RAB6A: variants seen among roughly 807,000 people sequenced by gnomAD.
RAB6A encodes ras-related protein Rab-6A.
In RAB6A, 8 loss-of-function variants were observed where a neutral mutation model predicts 32.3. That is an observed-to-expected ratio of 0.25 (90% CI 0.15 to 0.45). The LOEUF is 0.45. RAB6A is among the 20% of genes least tolerant of loss of function. The probability of loss-of-function intolerance (pLI) is 1.00; values close to 1 mark genes in which losing one functional copy is unlikely to be tolerated. For synonymous variants in RAB6A, 73 were observed against 82.1 expected, an observed-to-expected ratio of 0.89 and a Z score of 0.60; for missense variants, 104 against 249.4, an observed-to-expected ratio of 0.42 and a Z score of 3.93.
intron 5 of RAB6A, among the ~76,000 whole-genome samples, chr11:73,714,519 G>A (rs183672916): frequency 3.2e-4 from 48 of 149,096 alleles, no homozygotes; most frequent in Non-Finnish European, 6.0e-4. Context: ...AAAATGAGCC[G>A]GGCATGGTGG....
At chr11:73,713,988 C>T (rs147595668) in intron 5 of RAB6A, among the ~76,000 whole-genome samples, 1 of 151,498 alleles carries the variant, frequency 6.6e-6, no homozygotes, top group Non-Finnish European at 1.5e-5. Flanking sequence ...GTCAGGAGTT[C>T]GAGACCAGCC....
intron 1 of RAB6A, among the ~76,000 whole-genome samples, chr11:73,759,160 T>A (rs1392643459): frequency 6.6e-6 from 1 of 152,192 alleles, no homozygotes; most frequent in African/African-American, 2.4e-5. Flanking sequence ...AACAAATAAC[T>A]AATGTTTTCT....
intron 5 of RAB6A, among the ~76,000 whole-genome samples, chr11:73,710,100 A>G (rs1945926923): frequency 1.4e-5 from 2 of 146,632 alleles, no homozygotes; most frequent in African/African-American, 5.0e-5. Context: ...CTGGGATTAC[A>G]GGCTCCCGCC....
intron 6 of RAB6A, among the ~76,000 whole-genome samples, chr11:73,705,767 T>TGAGAGAGAGAGAGAGAGAGA (rs3046616): frequency 2.9e-4 from 39 of 134,832 alleles, no homozygotes; most frequent in Middle Eastern, 3.5e-3. Context: ...ATAATTCCGA[T>TGAGAGAGAGAGAGAGAGAGA]GAGAGAGAGA....
chr11:73,687,715 G>A (rs1945482183), intron 6 of RAB6A, among the ~76,000 whole-genome samples: 1 of 152,174 alleles, frequency 6.6e-6, no homozygotes, highest in Non-Finnish European at 1.5e-5. Context: ...AAATTAGCCA[G>A]GTGTGGTGAC....
chr11:73,728,087 TAA>T (rs34674019), intron 2 of RAB6A, among the ~76,000 whole-genome samples: 8 of 152,348 alleles, frequency 5.3e-5, no homozygotes, highest in East Asian at 1.9e-4. Context: ...AAAAAAATTT[TAA>T]AGAGTTAACA....
chr11:73,749,321 A>G (rs946446587), intron 1 of RAB6A, among the ~76,000 whole-genome samples: 1 of 152,118 alleles, frequency 6.6e-6, no homozygotes, highest in Non-Finnish European at 1.5e-5. Flanking sequence ...TGAGAACACA[A>G]AGGAAAAACA....
intron 1 of RAB6A, among the ~76,000 whole-genome samples, chr11:73,749,584 C>G (rs1184824181): frequency 6.6e-6 from 1 of 152,168 alleles, no homozygotes; most frequent in Admixed American, 6.6e-5. Context: ...TGGCTCATGA[C>G]TGTAATCTCA....
chr11:73,728,222 T>C (rs1485908770), intron 2 of RAB6A, among the ~76,000 whole-genome samples: 2 of 152,184 alleles, frequency 1.3e-5, no homozygotes, highest in African/African-American at 4.8e-5. Context: ...AGGGCAGACA[T>C]CCTTACTTGT....
At chr11:73,743,087 C>T (rs181642461) in intron 1 of RAB6A, among the ~76,000 whole-genome samples, 159 of 151,880 alleles carry the variant, frequency 1.0e-3, no homozygotes, top group African/African-American at 2.4e-3. Flanking sequence ...GCAGATCACT[C>T]GAGTTTGAGA....
intron 6 of RAB6A, among the ~76,000 whole-genome samples, chr11:73,684,779 G>A: frequency 6.6e-6 from 1 of 152,158 alleles, no homozygotes; most frequent in East Asian, 1.9e-4. Context: ...CTGAACACAT[G>A]TTCACAGATA....
In RAB6A at chr11:73,698,891, G is replaced by A. The variant is rs1026609846; in HGVS notation, c.495+8529C>T. 4.0e-5 allele frequency among the ~76,000 whole-genome samples: 5 copies of A among 124,826 alleles called. No homozygotes were observed. The East Asian group carries it at 1.2e-3, about 29-fold the overall frequency. The allele number at this position is 124,826 out of a possible 152,430, so 81.9% of individuals were successfully genotyped here. A position where few individuals can be genotyped will look rare whatever the true frequency, so the allele number is the denominator to read the frequency against. On this transcript the variant is annotated intron_variant, in intron 6 of 7. Coordinates refer to ENST00000336083, the MANE Select transcript of RAB6A (RefSeq NM_198896.2). ...TTTTGAGATGGAGTCTTGCTCTGTC[G>A]CCCAGGCTGTAATGCAATGGCACAA...
intron 5 of RAB6A, 45 bp downstream of exon 5, chr11:73,716,206 C>T (rs543462539): frequency 1.4e-6 from 2 of 1,382,210 alleles, no homozygotes; most frequent in South Asian, 2.5e-5. Context: ...TAAAAGGCTG[C>T]ATCACAGAAA....
chr11:73,709,976 T>TTTTTA (rs1945923816), intron 5 of RAB6A, among the ~76,000 whole-genome samples: 1 of 144,590 alleles, frequency 6.9e-6, no homozygotes. Context: ...TTTTTTTTTT[T>TTTTTA]GAGACGGAGT....
Position 73,760,748 on chromosome 11 carries a change from C to T in RAB6A, c.-113G>A. ...AAGGGCGGGCACCGAGCTCTCTCGG[C>T]CCCTGCAAGGCCCGGTGGAGGAGCC... On this transcript the variant is annotated 5_prime_UTR_variant, in exon 1 of 8. Transcript: ENST00000336083. The T allele has an allele frequency of 6.8e-7, 1 of 1,460,444 alleles. No homozygotes were observed. Among genetic ancestry groups the T allele is most frequent in the Non-Finnish European group, 9.3e-7 (1 of 1,076,272 alleles). 90.5% of individuals were successfully genotyped at this position (1,460,444 alleles called of 1,614,324 possible). A position where few individuals can be genotyped will look rare whatever the true frequency, so the allele number is the denominator to read the frequency against.
chr11:73,735,781 T>C (rs956343982), intron 1 of RAB6A, among the ~76,000 whole-genome samples: 1 of 152,070 alleles, frequency 6.6e-6, no homozygotes, highest in African/African-American at 2.4e-5. Context: ...TAATAACCCA[T>C]ATGCAGGACA....
rs183772580 is a variant in RAB6A, at chr11:73,734,567, C to A, written c.71-3744G>T. On this transcript the variant is annotated intron_variant, in intron 1 of 7. Coordinates refer to ENST00000336083, the MANE Select transcript of RAB6A (RefSeq NM_198896.2). ...TTCTGTGGGAGTTGGGGAGGAGGAA[C>A]GGTGGATGGTTTCAGGATGAAACTG... is the stretch of plus-strand genomic sequence containing the variant. Among the ~76,000 whole-genome samples the A allele has an allele frequency of 1.1e-4, 16 of 152,262 alleles. No homozygotes were observed. The South Asian group carries it at 3.3e-3, about 32-fold the overall frequency.
At chr11:73,680,413 T>C (rs761271508) in intron 6 of RAB6A, among the ~76,000 whole-genome samples, 2 of 152,192 alleles carry the variant, frequency 1.3e-5, no homozygotes, top group Non-Finnish European at 1.5e-5. Context: ...TCCCAGCACT[T>C]TGGGAGGCCA....
At chr11:73,731,901 C>T (rs189200657) in intron 1 of RAB6A, among the ~76,000 whole-genome samples, 5 of 150,906 alleles carry the variant, frequency 3.3e-5, no homozygotes, top group African/African-American at 7.3e-5. Context: ...GCCACCATGC[C>T]GAGCTAATTT....
Sources: gnomAD v4.1 joint callset for allele counts (sites outside exome capture counted in the v4.1 genomes callset) on GRCh38, gnomAD v4.1.1 for gene constraint, MANE v1.5 for transcripts, NCBI Gene and HGNC (gene_info 2026-07-23, HGNC 2026-07-21) for gene names.